The following KLF5 variants were observed in gnomAD, a reference collection of about 807,000 sequenced individuals.
KLF5 encodes KLF transcription factor 5, also known as Krueppel-like factor 5.
In KLF5, 9 loss-of-function variants were observed where a neutral mutation model predicts 36.9. The ratio of observed to expected loss-of-function variants is 0.24; its 90% confidence interval spans 0.15 to 0.43. The LOEUF is 0.43. KLF5 is among the 20% of genes least tolerant of loss of function. KLF5 has a pLI of 1.00. For synonymous variants in KLF5, 246 were observed against 241.7 expected, an observed-to-expected ratio of 1.02 and a Z score of -0.17; for missense variants, 524 against 599.5, an observed-to-expected ratio of 0.87 and a Z score of 1.31.
In KLF5 at chr13:73,062,705, A is replaced by G. The variant is rs2139105136; in HGVS notation, c.1106A>G (p.Lys369Arg). 6.2e-7 allele frequency: 1 copy of G among 1,614,120 alleles called. No homozygotes were observed. The highest frequency in any genetic ancestry group is 2.2e-5 in the East Asian group (1 of 44,866). The stretch of plus-strand genomic sequence containing the variant: ...AGAAGGAGTAACCCCGATTTGGAGA[A>G]ACGACGCATCCACTACTGCGATTAC... The part of the protein sequence containing the change: ...YNRRSNPDLE[K>R]RRIHYCDYPG... Residue 369 changes from lysine (K) to arginine (R), a missense_variant, in exon 2 of 4, where the codon AAA becomes AGA. Transcript: ENST00000377687.
chr13:73,056,426 C>G (rs2044583909), upstream of KLF5, among the ~76,000 whole-genome samples: 1 of 152,212 alleles, frequency 6.6e-6, no homozygotes, highest in South Asian at 2.1e-4. Flanking sequence ...ATGCAAAGAA[C>G]TAGAAAGTTC....
At chr13:73,074,177 T>G (rs1045747633) in intron 3 of KLF5, among the ~76,000 whole-genome samples, 18 of 152,096 alleles carry the variant, frequency 1.2e-4, no homozygotes, top group African/African-American at 4.4e-4. Flanking sequence ...AGAGTCAGAG[T>G]GGTTATCATG....
chr13:73,069,644 T>A (rs1019398694), intron 3 of KLF5, among the ~76,000 whole-genome samples: 1 of 152,200 alleles, frequency 6.6e-6, no homozygotes, highest in Non-Finnish European at 1.5e-5. Flanking sequence ...TAGAAGCAAT[T>A]TCTTTTTAAT....
intron 3 of KLF5, among the ~76,000 whole-genome samples, chr13:73,069,127 G>A (rs1404841596): frequency 2.6e-5 from 4 of 151,970 alleles, no homozygotes; most frequent in Admixed American, 6.6e-5. Flanking sequence ...ATAAAAAATC[G>A]ATAATATTGA....
At position 73,062,769 on chromosome 13, in the gene KLF5, T is replaced by A. The variant is rs758808464; in HGVS notation, c.1135+35T>A. ...CTTACCTGGTTGAAGCATCAATAGA[T>A]GTAGTGTGTGTGTGTGTGTGTCTGT... On this transcript the variant is annotated intron_variant, in intron 2 of 3. Transcript: ENST00000377687. 6.9e-6 allele frequency: 10 copies of A among 1,450,556 alleles called. No homozygotes were observed. The Admixed American group carries it at 1.1e-4, about 15-fold the overall frequency. The allele number at this position is 1,450,556 out of a possible 1,614,324, so 89.9% of individuals were successfully genotyped here. A position where few individuals can be genotyped will look rare whatever the true frequency, so the allele number is the denominator to read the frequency against.
At chr13:73,066,122 A>G (rs865976776) in intron 3 of KLF5, among the ~76,000 whole-genome samples, 6 of 152,300 alleles carry the variant, frequency 3.9e-5, no homozygotes, top group East Asian at 1.9e-4. Context: ...TAGTCTTTCA[A>G]ATGCCTTGGG....
At chr13:73,074,110 GA>G (rs1337093844) in intron 3 of KLF5, among the ~76,000 whole-genome samples, 5 of 151,822 alleles carry the variant, frequency 3.3e-5, no homozygotes, top group Admixed American at 6.6e-5. Context: ...ACTCTCAAGG[GA>G]AAAAAAATTG....
Position 73,075,763 on chromosome 13 carries a change from G to A in KLF5, c.1251G>A (p.Ser417=), listed in dbSNP as rs151120175. ...WEGCDWRFAR[S]DELTRHYRKH... is the part of the protein sequence containing the mutation. Reference sequence around the variant, plus strand: ...GCTGCGACTGGAGGTTCGCGCGATCGGATGAGCTGACCCGCCACTACCGGA... The same window carrying A: ...GCTGCGACTGGAGGTTCGCGCGATCAGATGAGCTGACCCGCCACTACCGGA... The change falls in exon 4 of 4, where the codon TCG becomes TCA. Residue 417 remains serine (S), a synonymous_variant. Coordinates refer to ENST00000377687, the MANE Select transcript of KLF5 (RefSeq NM_001730.5). 137 of 1,612,694 alleles carry A rather than the reference G, an allele frequency of 8.5e-5. No homozygotes were observed. In the Middle Eastern group the frequency reaches 9.9e-4, roughly 12 times the overall value.
chr13:73,075,858 C>T lies in KLF5; in HGVS notation c.1346C>T (p.Ala449Val). 1 of 1,605,394 alleles carries T rather than the reference C, an allele frequency of 6.2e-7. No homozygotes were observed. The highest frequency in any genetic ancestry group is 8.5e-7 in the Non-Finnish European group (1 of 1,172,974). ...AGCTTCTCGCGCTCTGACCACCTGG[C>T]CCTGCATATGAAGAGGCACCAGAAC... is the stretch of plus-strand genomic sequence containing the variant. ...NRSFSRSDHL[A>V]LHMKRHQN is the part of the protein sequence containing the mutation. Residue 449 changes from alanine (A) to valine (V), a missense_variant, in exon 4 of 4, where the codon GCC becomes GTC. Coordinates refer to ENST00000377687, the MANE Select transcript of KLF5 (RefSeq NM_001730.5).
intron 3 of KLF5, among the ~76,000 whole-genome samples, chr13:73,071,245 T>C (rs1168744985): frequency 2.0e-5 from 3 of 152,150 alleles, no homozygotes; most frequent in African/African-American, 7.2e-5. Context: ...AGGAGTGAGG[T>C]ATCGGATTTT....
chr13:73,074,106 A>G (rs2044741701), intron 3 of KLF5, among the ~76,000 whole-genome samples: 1 of 152,214 alleles, frequency 6.6e-6, no homozygotes, highest in African/African-American at 2.4e-5. Context: ...GTGAACTCTC[A>G]AGGGAAAAAA....
At chr13:73,064,546 T>C (rs2044665343) in intron 3 of KLF5, among the ~76,000 whole-genome samples, 1 of 152,252 alleles carries the variant, frequency 6.6e-6, no homozygotes, top group Non-Finnish European at 1.5e-5. Flanking sequence ...GTTCAATCTA[T>C]AGCAGTCACT....
intron 3 of KLF5, among the ~76,000 whole-genome samples, chr13:73,072,409 T>G (rs2044728577): frequency 6.6e-6 from 1 of 152,236 alleles, no homozygotes; most frequent in Non-Finnish European, 1.5e-5. Flanking sequence ...AGGCTGGCAC[T>G]GCCAGGTTGT....
At chr13:73,063,943 T>A (rs2044659505) in intron 3 of KLF5, 60 bp downstream of exon 3, 1 of 1,069,176 alleles carries the variant, frequency 9.4e-7, no homozygotes, top group Admixed American at 1.8e-5. Context: ...GTATTCATCC[T>A]TTTAAAAGCT....
At chr13:73,073,180 G>A (rs2044734407) in intron 3 of KLF5, among the ~76,000 whole-genome samples, 2 of 152,212 alleles carry the variant, frequency 1.3e-5, no homozygotes, top group African/African-American at 4.8e-5. Context: ...GGCTGAGGAA[G>A]AAAGGCCCAA....
chr13:73,056,155 A>C (rs2044582458), upstream of KLF5, among the ~76,000 whole-genome samples: 1 of 152,138 alleles, frequency 6.6e-6, no homozygotes, highest in Admixed American at 6.5e-5. Context: ...CCGTAAAGAT[A>C]GTGACACTTA....
In KLF5 at chr13:73,076,171, G is replaced by A; in HGVS notation, c.*285G>A. On this transcript the variant is annotated 3_prime_UTR_variant, in exon 4 of 4. Transcript: ENST00000377687. ...GTCTCAACATGGGTAAGGGGTGGGGGTGGAGGGGAGTGTGTGCAGCGTTTT... is the reference window on the plus strand; with the variant it reads ...GTCTCAACATGGGTAAGGGGTGGGGATGGAGGGGAGTGTGTGCAGCGTTTT... The A allele has an allele frequency of 3.6e-6, 1 of 276,782 alleles. No homozygotes were observed. The highest frequency in any genetic ancestry group is 1.6e-4 in the South Asian group (1 of 6,302). 17.1% of individuals were successfully genotyped at this position (276,782 alleles called of 1,614,324 possible). A position where few individuals can be genotyped will look rare whatever the true frequency, so the allele number is the denominator to read the frequency against.
At position 73,059,059 on chromosome 13, in the gene KLF5, G is replaced by C. The variant is rs1177020636; in HGVS notation, c.-269G>C. On this transcript the variant is annotated 5_prime_UTR_variant, in exon 1 of 4. Coordinates refer to ENST00000377687, the MANE Select transcript of KLF5 (RefSeq NM_001730.5). ...TTCTCTCGCGGAGGTCGGCGGTGGC[G>C]GGAGCGGGCTCCGGAGAGCCTGAGA... 3.1e-6 allele frequency: 1 copy of C among 321,710 alleles called. No individual in the cohort carries two copies. The highest frequency in any genetic ancestry group is 5.7e-6 in the Non-Finnish European group (1 of 176,766). 19.9% of individuals were successfully genotyped at this position (321,710 alleles called of 1,614,324 possible).
chr13:73,065,009 T>C (rs534652891), intron 3 of KLF5, among the ~76,000 whole-genome samples: 9 of 152,204 alleles, frequency 5.9e-5, no homozygotes, highest in Non-Finnish European at 1.3e-4. Context: ...AAAGAACTTA[T>C]ATAAAGTGAT....
Sources: gnomAD v4.1 joint callset for allele counts (sites outside exome capture counted in the v4.1 genomes callset) on GRCh38, gnomAD v4.1.1 for gene constraint, MANE v1.5 for transcripts, NCBI Gene and HGNC (gene_info 2026-07-23, HGNC 2026-07-21) for gene names.